Variants in CERS6 observed in about 807,000 individuals in gnomAD.
CERS6 encodes the protein LAG1 homolog, ceramide synthase 6.
Under a neutral mutation model 56.8 loss-of-function variants are expected in CERS6, and 26 were observed. The observed-to-expected ratio is 0.46, with a 90% CI of 0.34 to 0.63. The LOEUF (loss-of-function observed/expected upper bound fraction) is 0.63, where lower values mean the gene tolerates loss of function less well. Ranked by LOEUF, CERS6 falls within the 30% of genes least tolerant of loss-of-function variation. CERS6 has a pLI of 0.01. For synonymous variants in CERS6, 164 were observed against 173.3 expected, an observed-to-expected ratio of 0.95 and a Z score of 0.42; for missense variants, 415 against 467.5, an observed-to-expected ratio of 0.89 and a Z score of 1.04.
intron 1 of CERS6, among the ~76,000 whole-genome samples, chr2:168,526,923 T>C (rs2105359746): frequency 6.6e-6 from 1 of 152,328 alleles, no homozygotes; most frequent in Admixed American, 6.5e-5. Flanking sequence ...GGCAGGAGCA[T>C]CCCCAGATTG....
At chr2:168,659,788 C>T (rs1303671682) in intron 4 of CERS6, among the ~76,000 whole-genome samples, 2 of 152,100 alleles carry the variant, frequency 1.3e-5, no homozygotes, top group Non-Finnish European at 2.9e-5. Flanking sequence ...ACCTGACACA[C>T]TGACTGGCAC....
chr2:168,769,859 G>C lies in CERS6; in HGVS notation c.*197G>C, dbSNP rs185848286. 1 of 580,706 alleles carries C rather than the reference G, an allele frequency of 1.7e-6. No individual in the cohort carries two copies. The highest frequency in any genetic ancestry group is 1.9e-5 in the African/African-American group (1 of 52,260). 36.0% of individuals were successfully genotyped at this position (580,706 alleles called of 1,614,324 possible). ...ATTACCATTCTCTCTTTGTAGGCAT[G>C]CTGTATGTAATTGACACAAGGGAAC... On this transcript the variant is annotated 3_prime_UTR_variant, in exon 10 of 10. Coordinates refer to ENST00000305747, the MANE Select transcript of CERS6 (RefSeq NM_203463.3).
At chr2:168,607,888 C>G (rs1253538438) in intron 3 of CERS6, among the ~76,000 whole-genome samples, 1 of 152,136 alleles carries the variant, frequency 6.6e-6, no homozygotes, top group Non-Finnish European at 1.5e-5. Flanking sequence ...GGAACATTAC[C>G]TCAGTGTTTG....
At chr2:168,507,550 C>G (rs1403778350) in intron 1 of CERS6, among the ~76,000 whole-genome samples, 1 of 152,100 alleles carries the variant, frequency 6.6e-6, no homozygotes, top group African/African-American at 2.4e-5. Flanking sequence ...GCTGACTTGT[C>G]CTGCCATTTG....
At chr2:168,527,610 C>G (rs539345894) in intron 1 of CERS6, among the ~76,000 whole-genome samples, 1 of 152,272 alleles carries the variant, frequency 6.6e-6, no homozygotes, top group Non-Finnish European at 1.5e-5. Flanking sequence ...GTCTCTGCTT[C>G]CAAGATGGCA....
At chr2:168,632,979 G>T (rs1319910388) in intron 4 of CERS6, among the ~76,000 whole-genome samples, 1 of 152,008 alleles carries the variant, frequency 6.6e-6, no homozygotes, top group Non-Finnish European at 1.5e-5. Flanking sequence ...CTTAGCTCTG[G>T]TTCACTCTGT....
At chr2:168,595,827 T>C (rs568220867) in intron 3 of CERS6, among the ~76,000 whole-genome samples, 21 of 152,306 alleles carry the variant, frequency 1.4e-4, no homozygotes, top group Non-Finnish European at 2.6e-4. Flanking sequence ...TTTGTGGAGA[T>C]CAAAAAGAAG....
chr2:168,519,651 C>A (rs565393303), intron 1 of CERS6, among the ~76,000 whole-genome samples: 2 of 152,162 alleles, frequency 1.3e-5, no homozygotes, highest in Non-Finnish European at 2.9e-5. Context: ...TTTTCTGTTT[C>A]CATGACAGTT....
intron 3 of CERS6, among the ~76,000 whole-genome samples, chr2:168,587,385 C>T (rs1244052282): frequency 1.3e-5 from 2 of 152,124 alleles, no homozygotes; most frequent in Non-Finnish European, 2.9e-5. Context: ...AACAGGGTAG[C>T]ATACCAAGTG....
At chr2:168,517,383 T>G (rs1694900559) in intron 1 of CERS6, among the ~76,000 whole-genome samples, 1 of 151,604 alleles carries the variant, frequency 6.6e-6, no homozygotes, top group Non-Finnish European at 1.5e-5. Context: ...TCCCAGCTAT[T>G]TGGGAGGCTG....
intron 1 of CERS6, among the ~76,000 whole-genome samples, chr2:168,491,315 C>G (rs989315300): frequency 1.3e-5 from 2 of 152,222 alleles, no homozygotes; most frequent in Non-Finnish European, 2.9e-5. Flanking sequence ...CCATGTTTGG[C>G]TGTTTTTCAT....
At chr2:168,520,105 T>G (rs112802295) in intron 1 of CERS6, among the ~76,000 whole-genome samples, 1,953 of 152,330 alleles carry the variant, frequency 0.013, 38 homozygotes, top group African/African-American at 0.044. Flanking sequence ...AGTTTTTGAT[T>G]TTTTAATAAT....
At chr2:168,673,858 G>T (rs767490968) in intron 4 of CERS6, among the ~76,000 whole-genome samples, 1 of 152,142 alleles carries the variant, frequency 6.6e-6, no homozygotes, top group African/African-American at 2.4e-5. Flanking sequence ...GTATTTTCCT[G>T]TAGCATTCTC....
intron 8 of CERS6, among the ~76,000 whole-genome samples, chr2:168,730,500 T>G (rs1158864164): frequency 1.3e-5 from 2 of 152,102 alleles, no homozygotes; most frequent in Admixed American, 1.3e-4. Flanking sequence ...GGGTGGGGAA[T>G]TATCTTGCCC....
At position 168,724,135 on chromosome 2, in the gene CERS6, G is replaced by A. The variant is rs182840644; in HGVS notation, c.845+6157G>A. Among the ~76,000 whole-genome samples, 1,343 of 152,078 alleles carry A rather than the reference G, an allele frequency of 8.8e-3. 6 individuals are homozygous for A. The highest frequency in any genetic ancestry group is 0.017 in the Middle Eastern group (5 of 294). The stretch of plus-strand genomic sequence containing the variant: ...TCCCTTCTGATGTTTGGATGTGTTC[G>A]GAGTTTCTTCCTTCTGGTGGGTTCG... On this transcript the variant is annotated intron_variant, in intron 8 of 9. Coordinates refer to ENST00000305747, the MANE Select transcript of CERS6 (RefSeq NM_203463.3).
At chr2:168,606,502 G>A (rs1376908330) in intron 3 of CERS6, 1 of 152,160 alleles carries the variant, frequency 6.6e-6, no homozygotes, top group African/African-American at 2.4e-5. Flanking sequence ...AGCACACTAA[G>A]TTGTTTTTTA....
intron 8 of CERS6, among the ~76,000 whole-genome samples, chr2:168,740,161 A>G (rs544311854): frequency 2.0e-5 from 3 of 152,306 alleles, no homozygotes; most frequent in African/African-American, 4.8e-5. Flanking sequence ...AGAAAATTCC[A>G]TGGATTTTTT....
chr2:168,714,756 A>T (rs957091373), intron 6 of CERS6, among the ~76,000 whole-genome samples: 12 of 152,148 alleles, frequency 7.9e-5, no homozygotes, highest in Non-Finnish European at 1.5e-4. Flanking sequence ...TGAACAAGGA[A>T]GTGGGCCCTC....
intron 4 of CERS6, among the ~76,000 whole-genome samples, chr2:168,672,479 C>T (rs75188882): frequency 2.0e-5 from 3 of 152,254 alleles, no homozygotes; most frequent in Admixed American, 6.5e-5. Context: ...AACAAAAAAG[C>T]GTTCCAAAAA....
Sources: allele counts gnomAD v4.1 joint callset (sites outside exome capture counted in the v4.1 genomes callset), GRCh38; gene constraint gnomAD v4.1.1; transcripts MANE v1.5; gene names NCBI Gene and HGNC (gene_info 2026-07-23, HGNC 2026-07-21).